The following SYNPR variants were observed in gnomAD, a reference collection of about 807,000 sequenced individuals.
The protein encoded by SYNPR is synaptoporin.
Under a neutral mutation model 32.9 loss-of-function variants are expected in SYNPR, and 23 were observed. The observed-to-expected ratio is 0.70, with a 90% CI of 0.50 to 0.99. The LOEUF is 0.99. SYNPR is among the 50% of genes least tolerant of loss of function. The pLI is 0.00. For missense variants in SYNPR, 318 were observed against 349.3 expected (o/e 0.91, Z 0.71); for synonymous variants, 146 against 135.9 (o/e 1.07, Z -0.52).
At chr3:63,595,747 A>AC (rs1483225622) in intron 4 of SYNPR, among the ~76,000 whole-genome samples, 1 of 47,400 alleles carries the variant, frequency 2.1e-5, no homozygotes, top group Non-Finnish European at 3.2e-5. Context: ...ATATATATAT[A>AC]TATATATATA....
intron 3 of SYNPR, among the ~76,000 whole-genome samples, chr3:63,270,261 T>G (rs1157613249): frequency 6.6e-6 from 1 of 152,204 alleles, no homozygotes; most frequent in East Asian, 1.9e-4. Flanking sequence ...GACATGACTT[T>G]CATCTTTGGC....
chr3:63,274,802 C>G (rs1032625762), upstream of SYNPR, among the ~76,000 whole-genome samples: 6 of 152,184 alleles, frequency 3.9e-5, no homozygotes, highest in Non-Finnish European at 8.8e-5. Context: ...TGCTTCTGCC[C>G]TCTGGAAGCC....
chr3:63,347,247 T>C (rs970648947), intron 2 of SYNPR, among the ~76,000 whole-genome samples: 2 of 152,210 alleles, frequency 1.3e-5, no homozygotes, highest in Non-Finnish European at 2.9e-5. Flanking sequence ...TTGCAGGTAA[T>C]AGATTAGTGG....
intron 2 of SYNPR, among the ~76,000 whole-genome samples, chr3:63,359,208 A>T (rs2087625347): frequency 6.6e-6 from 1 of 152,152 alleles, no homozygotes; most frequent in South Asian, 2.1e-4. Context: ...GGGGAGGCTG[A>T]CCTTAAATAA....
chr3:63,595,785 A>ATATATATATAAT (rs1559546293), intron 4 of SYNPR, among the ~76,000 whole-genome samples: 1 of 46,668 alleles, frequency 2.1e-5, no homozygotes, highest in Non-Finnish European at 3.4e-5. Context: ...ATATATATAT[A>ATATATATATAAT]GTTATATATA....
At chr3:63,202,286 A>G in the SYNPR span, among the ~76,000 whole-genome samples, 1 of 152,192 alleles carries the variant, frequency 6.6e-6, no homozygotes, top group Admixed American at 6.6e-5. Context: ...GTTTGGGGAT[A>G]TATGTTTCAC....
At chr3:63,495,619 C>T (rs756512781) in intron 3 of SYNPR, among the ~76,000 whole-genome samples, 5 of 152,094 alleles carry the variant, frequency 3.3e-5, no homozygotes, top group South Asian at 2.1e-4. Flanking sequence ...ATTCTTCCAC[C>T]GTCTTGCATT....
intron 5 of SYNPR, among the ~76,000 whole-genome samples, chr3:63,612,924 TCTC>T (rs1449591450): frequency 7.4e-6 from 1 of 135,212 alleles, no homozygotes; most frequent in Non-Finnish European, 1.6e-5. Context: ...TCTCTTCTCT[TCTC>T]CTCTCTTCTC....
intron 4 of SYNPR, among the ~76,000 whole-genome samples, chr3:63,559,253 T>C (rs1018512633): frequency 6.6e-6 from 1 of 151,930 alleles, no homozygotes; most frequent in African/African-American, 2.4e-5. Flanking sequence ...TTTTTTGTAT[T>C]TTTTGGTACA....
chr3:63,484,680 T>C (rs6799373), intron 3 of SYNPR, among the ~76,000 whole-genome samples: 65,732 of 152,022 alleles, frequency 0.43, 14,265 homozygotes, highest in East Asian at 0.49. Flanking sequence ...ATTACACAGA[T>C]TCTGTGAAGG....
chr3:63,205,590 T>C, the SYNPR span, among the ~76,000 whole-genome samples: 4 of 152,260 alleles, frequency 2.6e-5, no homozygotes, highest in South Asian at 8.3e-4. Context: ...CACACTGCTC[T>C]GCTGCTGAGT....
intron 2 of SYNPR, among the ~76,000 whole-genome samples, chr3:63,333,492 C>T (rs895777666): frequency 6.6e-6 from 1 of 152,170 alleles, no homozygotes; most frequent in Non-Finnish European, 1.5e-5. Flanking sequence ...TCACAGTTCA[C>T]CGCACCCTCA....
chr3:63,339,700 C>T (rs2087339295), intron 2 of SYNPR, among the ~76,000 whole-genome samples: 1 of 151,886 alleles, frequency 6.6e-6, no homozygotes. Flanking sequence ...CTCTGTCACC[C>T]AGGCTTGAGT....
the SYNPR span, among the ~76,000 whole-genome samples, chr3:63,201,604 C>T: frequency 6.6e-6 from 1 of 151,890 alleles, no homozygotes; most frequent in Non-Finnish European, 1.5e-5. Context: ...TTTATATTTA[C>T]AGATACTTGA....
intron 2 of SYNPR, among the ~76,000 whole-genome samples, chr3:63,357,317 G>T (rs1181403550): frequency 6.6e-6 from 1 of 152,034 alleles, no homozygotes; most frequent in Non-Finnish European, 1.5e-5. Flanking sequence ...GTGCCCTGGA[G>T]CATGGCCTTT....
At chr3:63,261,886 G>T (rs2086441196) in intron 2 of SYNPR, among the ~76,000 whole-genome samples, 1 of 151,334 alleles carries the variant, frequency 6.6e-6, no homozygotes, top group Non-Finnish European at 1.5e-5. Flanking sequence ...GTGGGGTGGG[G>T]GGAGAGTGGA....
intron 1 of SYNPR, among the ~76,000 whole-genome samples, chr3:63,249,829 G>T (rs2086316902): frequency 6.6e-6 from 1 of 152,034 alleles, no homozygotes; most frequent in South Asian, 2.1e-4. Flanking sequence ...ATTTTTTTCA[G>T]CTGGTATATT....
chr3:63,218,349 G>C, the SYNPR span, among the ~76,000 whole-genome samples: 3 of 152,122 alleles, frequency 2.0e-5, no homozygotes, highest in Non-Finnish European at 4.4e-5. Context: ...TCCAATAGAG[G>C]GATGAAGGGA....
chr3:63,484,718 T>C (rs372651961), intron 3 of SYNPR, among the ~76,000 whole-genome samples: 90 of 152,188 alleles, frequency 5.9e-4, no homozygotes, highest in Admixed American at 9.8e-4. Flanking sequence ...ATTGAGAAGA[T>C]TGGGCTGAGA....
Sources: gnomAD v4.1 joint callset for allele counts (sites outside exome capture counted in the v4.1 genomes callset) on GRCh38, gnomAD v4.1.1 for gene constraint, MANE v1.5 for transcripts, NCBI Gene and HGNC (gene_info 2026-07-23, HGNC 2026-07-21) for gene names.